The following ATG2B variants were observed in gnomAD, a reference collection of about 807,000 sequenced individuals.
ATG2B encodes autophagy-related protein 2 homolog B.
Under a neutral mutation model 241.3 loss-of-function variants are expected in ATG2B, and 121 were observed. That is an observed-to-expected ratio of 0.50 (90% CI 0.43 to 0.58). The LOEUF (loss-of-function observed/expected upper bound fraction) is 0.58, where lower values mean the gene tolerates loss of function less well. Ranked by LOEUF, ATG2B falls within the 20% of genes least tolerant of loss-of-function variation. The pLI, the probability that ATG2B is intolerant of heterozygous loss-of-function variation, is 0.00. For missense variants in ATG2B, 2,306 were observed against 2,491.6 expected (o/e 0.93, Z 1.59); for synonymous variants, 858 against 876.6 (o/e 0.98, Z 0.37).
At chr14:96,344,374 G>A (rs1888118818) in intron 4 of ATG2B, among the ~76,000 whole-genome samples, 1 of 152,108 alleles carries the variant, frequency 6.6e-6, no homozygotes, top group African/African-American at 2.4e-5. Context: ...AAATTCAGTG[G>A]CACTCAAATG....
At chr14:96,288,805 C>CAGA (rs1886405494) in intron 41 of ATG2B, among the ~76,000 whole-genome samples, 1 of 118,438 alleles carries the variant, frequency 8.4e-6, no homozygotes, top group South Asian at 2.5e-4. Flanking sequence ...TGACAACACC[C>CAGA]AGAAAAAAAA....
At chr14:96,311,383 ATC>A in intron 27 of ATG2B, 96 bp from the exon 28 acceptor site, 1 of 1,283,360 alleles carries the variant, frequency 7.8e-7, no homozygotes, top group South Asian at 1.5e-5. Flanking sequence ...ATTCATGATA[ATC>A]TGTCTCGCTA....
chr14:96,346,474 C>T (rs1888172144), intron 2 of ATG2B, among the ~76,000 whole-genome samples: 1 of 152,048 alleles, frequency 6.6e-6, no homozygotes, highest in African/African-American at 2.4e-5. Context: ...AGACGATTTC[C>T]ATGCATGCAT....
At position 96,328,388 on chromosome 14, in the gene ATG2B, C is replaced by T. The variant is rs772160057; in HGVS notation, c.2122G>A (p.Ala708Thr). 2.0e-5 allele frequency: 32 copies of T among 1,612,778 alleles called. No homozygotes were observed. The highest frequency in any genetic ancestry group is 1.6e-5 in the Non-Finnish European group (19 of 1,179,532). The change falls in exon 14 of 42, where the codon GCA becomes ACA. Residue 708 changes from alanine to threonine, a missense_variant. By Grantham distance (58) the Ala-to-Thr change is moderately conservative. Transcript: ENST00000359933. ...TTATATGAAGTATACATGTGGGATG[C>T]CATCATCTCTACTGTGGCAAGTTTC... The part of the protein sequence containing the change: ...PQKLATVEMM[A>T]SHMYTSYNKH...
At position 96,280,030 on chromosome 14, in the gene ATG2B, T is replaced by C. The variant is rs546891621; in HGVS notation, c.*5725A>G. On this transcript the variant is annotated 3_prime_UTR_variant, in exon 42 of 42. Coordinates refer to ENST00000359933, the MANE Select transcript of ATG2B (RefSeq NM_018036.7). ...GTTGACTGTGGCCTGTGGTGCAGCATTTATAGAAAGAAATCTTCCAGGTGG... is the reference window on the plus strand; with the variant it reads ...GTTGACTGTGGCCTGTGGTGCAGCACTTATAGAAAGAAATCTTCCAGGTGG... 2.0e-5 allele frequency: 3 copies of C among 152,356 alleles called. No homozygotes were observed. Among genetic ancestry groups the C allele is most frequent in the South Asian group, 2.1e-4 (1 of 4,820 alleles). 9.4% of individuals were successfully genotyped at this position (152,356 alleles called of 1,614,324 possible). A position where few individuals can be genotyped will look rare whatever the true frequency, so the allele number is the denominator to read the frequency against.
At position 96,359,986 on chromosome 14, in the gene ATG2B, A is replaced by G. The variant is rs1888581466; in HGVS notation, c.162+2829T>C. 3.9e-5 allele frequency among the ~76,000 whole-genome samples: 6 copies of G among 152,334 alleles called. No homozygotes were observed. In the South Asian group the frequency reaches 1.2e-3, roughly 32 times the overall value. ...GAAAACTAGTAGTTCCACAACAGAG[A>G]AGGATTAAGAGTGGTGCCCTCAGTT... On this transcript the variant is annotated intron_variant, in intron 1 of 41. Transcript: ENST00000359933.
intron 14 of ATG2B, among the ~76,000 whole-genome samples, chr14:96,326,252 C>T (rs1887585912): frequency 6.6e-6 from 1 of 152,116 alleles, no homozygotes; most frequent in Admixed American, 6.5e-5. Context: ...AATTAGCCTA[C>T]CAACAAATTC....
chr14:96,294,742 G>C (rs991168297), intron 36 of ATG2B, among the ~76,000 whole-genome samples: 12 of 152,182 alleles, frequency 7.9e-5, no homozygotes, highest in Admixed American at 2.6e-4. Context: ...ATTCCTGCCA[G>C]AGAATTGAAA....
Position 96,328,749 on chromosome 14 carries a change from G to T in ATG2B, c.1899C>A (p.Ser633=). The T allele has an allele frequency of 6.2e-7, 1 of 1,609,376 alleles. No homozygotes were observed. Among genetic ancestry groups the T allele is most frequent in the Non-Finnish European group, 8.5e-7 (1 of 1,177,632 alleles). Residue 633 remains serine (S), a synonymous_variant, in exon 13 of 42, where the codon TCC becomes TCA. Transcript: ENST00000359933. ...GGGAATGGGAACCAGTTTCTTCTTT[G>T]GAATGGAACGTTAAAAGCTTAAAAG... ...PHYTELLTFH[S]KEETGSHSPV... is the part of the protein sequence containing the mutation.
At chr14:96,308,404 C>T (rs1887061763) in intron 29 of ATG2B, among the ~76,000 whole-genome samples, 1 of 146,474 alleles carries the variant, frequency 6.8e-6, no homozygotes, top group Non-Finnish European at 1.5e-5. Context: ...CCCACCCCAC[C>T]TAAGCCTCCC....
chr14:96,304,651 CAAAGAA>C, intron 31 of ATG2B, 48 bp from the exon 32 acceptor site: 2 of 1,367,612 alleles, frequency 1.5e-6, no homozygotes, highest in Non-Finnish European at 2.0e-6. Flanking sequence ...AAGGAATATT[CAAAGAA>C]AGTCAATGAA....
intron 1 of ATG2B, among the ~76,000 whole-genome samples, chr14:96,352,183 T>C (rs1177704565): frequency 1.3e-5 from 2 of 152,174 alleles, no homozygotes; most frequent in Non-Finnish European, 2.9e-5. Context: ...TAAGGCAATG[T>C]AGCACAACAC....
intron 1 of ATG2B, among the ~76,000 whole-genome samples, chr14:96,358,605 T>A (rs997096907): frequency 1.3e-5 from 2 of 152,186 alleles, no homozygotes. Flanking sequence ...AAATCCCATA[T>A]ATCTTGTAGC....
rs1886227444 is a variant in ATG2B at position 96,282,585 on chromosome 14, C to T, written c.*3170G>A. The T allele has an allele frequency of 6.6e-6, 1 of 152,250 alleles. No homozygotes were observed. Among genetic ancestry groups the T allele is most frequent in the Non-Finnish European group, 1.5e-5 (1 of 68,044 alleles). The allele number at this position is 152,250 out of a possible 1,614,324, so 9.4% of individuals were successfully genotyped here. On this transcript the variant is annotated 3_prime_UTR_variant, in exon 42 of 42. Transcript: ENST00000359933. Reference sequence around the variant, plus strand: ...AGACAATGATTAGTCAATCCTGAAACCATTTAGTGCAATTGGGGATTCCTC... The same window carrying T: ...AGACAATGATTAGTCAATCCTGAAATCATTTAGTGCAATTGGGGATTCCTC...
intron 38 of ATG2B, 67 bp downstream of exon 38, chr14:96,291,532 GT>G: frequency 8.2e-7 from 1 of 1,226,674 alleles, no homozygotes. Flanking sequence ...AGAAAACTCA[GT>G]TTTTAAATTT....
intron 8 of ATG2B, 25 bp from the exon 9 acceptor site, chr14:96,332,680 T>C (rs1334151139): frequency 2.6e-6 from 4 of 1,516,560 alleles, no homozygotes; most frequent in Non-Finnish European, 2.6e-6. Context: ...ACTATGTCAC[T>C]TGTATTATAA....
In ATG2B at chr14:96,299,525, G is replaced by C. The variant is rs1886733533; in HGVS notation, c.5139+2482C>G. On this transcript the variant is annotated intron_variant, in intron 34 of 41. Coordinates refer to ENST00000359933, the MANE Select transcript of ATG2B (RefSeq NM_018036.7). ...AGGCAGGCATTCACCAAATGGTCTT[G>C]AATGAATTGATACGCTTTCCCGGCA... Among the ~76,000 whole-genome samples the C allele has an allele frequency of 2.0e-5, 3 of 152,216 alleles. No individual in the cohort carries two copies. In the South Asian group the frequency reaches 6.2e-4, roughly 32 times the overall value.
chr14:96,315,591 T>C lies in ATG2B; in HGVS notation c.3362-8A>G. 6.2e-7 allele frequency: 1 copy of C among 1,606,906 alleles called. No individual in the cohort carries two copies. ...TCACTCCATTCACTATGCCTAGAGA[T>C]CCACATTGAGGTAAAAATAGTAACA... On this transcript the variant is annotated splice_polypyrimidine_tract_variant and splice_region_variant and intron_variant, in intron 21 of 41. Transcript: ENST00000359933.
intron 5 of ATG2B, among the ~76,000 whole-genome samples, chr14:96,342,543 G>A (rs545167512): frequency 3.3e-5 from 5 of 151,882 alleles, no homozygotes; most frequent in Admixed American, 6.6e-5. Context: ...CCAACGTTGC[G>A]AAACCCCGTC....
Sources: allele counts gnomAD v4.1 joint callset (sites outside exome capture counted in the v4.1 genomes callset), GRCh38; gene constraint gnomAD v4.1.1; transcripts MANE v1.5; gene names NCBI Gene and HGNC (gene_info 2026-07-23, HGNC 2026-07-21).